The following KIAA1549 variants were observed in gnomAD, a reference collection of about 807,000 sequenced individuals.
KIAA1549 encodes UPF0606 protein KIAA1549.
KIAA1549 carries 70 observed loss-of-function variants against 156.4 expected under a neutral mutation model. The ratio of observed to expected loss-of-function variants is 0.45; its 90% CI spans 0.37 to 0.55. KIAA1549 has a LOEUF of 0.55. Among genes scored for constraint, KIAA1549 ranks in the 20% least tolerant of loss-of-function variants. KIAA1549 has a pLI of 0.00. For missense variants in KIAA1549, 2,428 were observed against 2,540.9 expected, an observed-to-expected ratio of 0.96 and a Z score of 0.96; for synonymous variants, 1,103 against 1,066.4, an observed-to-expected ratio of 1.03 and a Z score of -0.67.
At chr7:138,959,053 C>T (rs1477945155) in intron 1 of KIAA1549, among the ~76,000 whole-genome samples, 1 of 152,118 alleles carries the variant, frequency 6.6e-6, no homozygotes, top group Non-Finnish European at 1.5e-5. Context: ...GCGCCCACCA[C>T]CACACCTGGT....
In KIAA1549 at chr7:138,859,049, A is replaced by ACG. The variant is rs1554411108; in HGVS notation, c.5247+2089_5247+2090insCG. ...CACACACACACACACACACACACAC[A>ACG]CACGAACAGAAACTGATTTTCTCAT... On this transcript the variant is annotated intron_variant, in intron 16 of 19. Coordinates refer to ENST00000422774, the MANE Select transcript of KIAA1549 (RefSeq NM_001164665.2). Among the ~76,000 whole-genome samples, 6 of 150,314 alleles carry ACG rather than the reference A, an allele frequency of 4.0e-5. No homozygotes were observed. In the East Asian group the frequency reaches 9.8e-4, roughly 25 times the overall value.
At chr7:138,903,902 C>T (rs1046947916) in intron 7 of KIAA1549, among the ~76,000 whole-genome samples, 166 bp from the exon 8 acceptor site, 1 of 148,456 alleles carries the variant, frequency 6.7e-6, no homozygotes, top group Non-Finnish European at 1.5e-5. Flanking sequence ...GCAAGATTGC[C>T]ATAAAATGCC....
chr7:138,927,503 T>G (rs542552573), intron 1 of KIAA1549, among the ~76,000 whole-genome samples: 65 of 152,346 alleles, frequency 4.3e-4, no homozygotes, highest in African/African-American at 1.5e-3. Context: ...CTGCGTGTGG[T>G]GGCGCATGCC....
intron 1 of KIAA1549, among the ~76,000 whole-genome samples, chr7:138,954,034 T>C (rs1003552743): frequency 6.8e-6 from 1 of 146,254 alleles, no homozygotes; most frequent in Non-Finnish European, 1.5e-5. Flanking sequence ...GTCATATTTC[T>C]ATGTGCAAAA....
chr7:138,870,565 C>T (rs955149646), intron 13 of KIAA1549, among the ~76,000 whole-genome samples: 4 of 152,140 alleles, frequency 2.6e-5, no homozygotes, highest in Non-Finnish European at 5.9e-5. Context: ...ACCTGAACTG[C>T]GTTGAAGCGT....
intron 10 of KIAA1549, among the ~76,000 whole-genome samples, chr7:138,882,240 T>G (rs1156678358): frequency 1.3e-5 from 2 of 152,112 alleles, no homozygotes; most frequent in African/African-American, 2.4e-5. Flanking sequence ...GCCCCAAATC[T>G]TAGCAGTGAA....
chr7:138,917,544 C>G lies in KIAA1549; in HGVS notation c.2082G>C (p.Ser694=). Reference sequence around the variant, plus strand: ...GCAGCTCGGAACTTGGCTGGAGCTGCGAAAACTCAAGATTTGTGGAACTGG... The same window carrying G: ...GCAGCTCGGAACTTGGCTGGAGCTGGGAAAACTCAAGATTTGTGGAACTGG... The part of the protein sequence containing the change: ...SLPSSTNLEF[S]QLQPSSELPL... The change falls in exon 2 of 20, where the codon TCG becomes TCC. Residue 694 remains serine, a synonymous_variant. Coordinates refer to ENST00000422774, the MANE Select transcript of KIAA1549 (RefSeq NM_001164665.2). 6.2e-7 allele frequency: 1 copy of G among 1,613,692 alleles called. No individual in the cohort carries two copies.
At position 138,836,889 on chromosome 7, in the gene KIAA1549, AT is replaced by A; in HGVS notation, c.*1016del. On this transcript the variant is annotated 3_prime_UTR_variant, in exon 20 of 20. Coordinates refer to ENST00000422774, the MANE Select transcript of KIAA1549 (RefSeq NM_001164665.2). ...GACTGGTAGGGATGTATGTATAACA[AT>A]TTCGTGGTGCTGGGAATTATTAAAT... 1 of 226,012 alleles carries A rather than the reference AT, an allele frequency of 4.4e-6. No homozygotes were observed. Among genetic ancestry groups the A allele is most frequent in the Non-Finnish European group, 8.8e-6 (1 of 113,598 alleles). 14.0% of individuals were successfully genotyped at this position (226,012 alleles called of 1,614,324 possible).
At chr7:138,929,384 T>C (rs926834687) in intron 1 of KIAA1549, among the ~76,000 whole-genome samples, 4 of 151,578 alleles carry the variant, frequency 2.6e-5, no homozygotes, top group Non-Finnish European at 4.4e-5. Flanking sequence ...TGACCATGAG[T>C]GCTGCAATTC....
At chr7:138,861,534 A>C in intron 15 of KIAA1549, 78 bp from the exon 16 acceptor site, 1 of 1,137,172 alleles carries the variant, frequency 8.8e-7, no homozygotes, top group Non-Finnish European at 1.3e-6. Context: ...GACATTGAGG[A>C]AAAGTTCTAT....
intron 12 of KIAA1549, among the ~76,000 whole-genome samples, chr7:138,878,723 C>T (rs889442763): frequency 6.7e-6 from 1 of 150,330 alleles, no homozygotes; most frequent in Admixed American, 6.6e-5. Flanking sequence ...GACTGTGCCA[C>T]TGCACTCCAG....
chr7:138,932,034 C>A (rs1812888584), intron 1 of KIAA1549, among the ~76,000 whole-genome samples: 1 of 152,094 alleles, frequency 6.6e-6, no homozygotes. Flanking sequence ...AGTGTCCCAA[C>A]CCACTGTTAC....
chr7:138,951,240 C>T (rs773386371), intron 1 of KIAA1549, among the ~76,000 whole-genome samples: 5 of 152,052 alleles, frequency 3.3e-5, no homozygotes, highest in African/African-American at 4.8e-5. Context: ...CGCATCCTCC[C>T]TCTGGAGGAA....
intron 12 of KIAA1549, among the ~76,000 whole-genome samples, chr7:138,873,733 C>T (rs1366374460): frequency 2.0e-5 from 3 of 151,770 alleles, no homozygotes; most frequent in Admixed American, 1.3e-4. Context: ...ACGGCCCTTG[C>T]TTCACCCTCG....
At chr7:138,922,551 C>T (rs1554422453) in intron 1 of KIAA1549, among the ~76,000 whole-genome samples, 1 of 151,896 alleles carries the variant, frequency 6.6e-6, no homozygotes, top group Admixed American at 6.6e-5. Context: ...AGACTGAAAA[C>T]ATGAGTAATG....
chr7:138,921,656 G>A (rs1441141841), intron 1 of KIAA1549, among the ~76,000 whole-genome samples: 1 of 152,150 alleles, frequency 6.6e-6, no homozygotes, highest in Non-Finnish European at 1.5e-5. Flanking sequence ...CATGAGGTCA[G>A]GAGTTCGAGT....
chr7:138,859,714 A>G (rs951061945), intron 16 of KIAA1549, among the ~76,000 whole-genome samples: 1 of 152,064 alleles, frequency 6.6e-6, no homozygotes, highest in South Asian at 2.1e-4. Context: ...TTCACTTCTC[A>G]TTGACCCCTG....
intron 18 of KIAA1549, among the ~76,000 whole-genome samples, chr7:138,840,601 C>T (rs1462024904): frequency 6.6e-6 from 1 of 152,138 alleles, no homozygotes; most frequent in Non-Finnish European, 1.5e-5. Context: ...AATTCTTGAC[C>T]CCGTGACATT....
Position 138,861,358 on chromosome 7 carries a change from G to T in KIAA1549, c.5028C>A (p.Pro1676=), listed in dbSNP as rs368652213. The change falls in exon 16 of 20, where the codon CCC becomes CCA. Residue 1676 remains proline (P), a synonymous_variant. Transcript: ENST00000422774. ...GGCGTGCCTCCTCGATGGACGGCTG[G>T]GGTGGGATGTACTGGGAGGCCGGGA... ...LPFPASQYIP[P]QPSIEEARQT... 7.6e-5 allele frequency: 123 copies of T among 1,610,394 alleles called. 2 individuals are homozygous for T. The highest frequency in any genetic ancestry group is 4.5e-5 in the Non-Finnish European group (53 of 1,178,926).
Sources: allele counts gnomAD v4.1 joint callset (sites outside exome capture counted in the v4.1 genomes callset), GRCh38; gene constraint gnomAD v4.1.1; transcripts MANE v1.5; gene names NCBI Gene and HGNC (gene_info 2026-07-23, HGNC 2026-07-21).